The following WDPCP variants were observed in gnomAD, a reference collection of about 807,000 sequenced individuals.
WDPCP encodes the protein WD repeat containing planar cell polarity effector.
Under a neutral mutation model 93.1 loss-of-function variants are expected in WDPCP, and 71 were observed. That is an observed-to-expected ratio of 0.76 (90% confidence interval 0.63 to 0.93). The LOEUF (loss-of-function observed/expected upper bound fraction) is 0.93. Ranked by LOEUF, WDPCP falls within the 40% of genes least tolerant of loss-of-function variation. The pLI is 0.00. For missense variants in WDPCP, 844 were observed against 887.4 expected (o/e 0.95, Z 0.62); for synonymous variants, 315 against 315.0 (o/e 1.00, Z 0.00).
intron 14 of WDPCP, among the ~76,000 whole-genome samples, chr2:63,199,305 T>C (rs1675703435): frequency 6.6e-6 from 1 of 152,104 alleles, no homozygotes; most frequent in African/African-American, 2.4e-5. Context: ...AGGAGCTGAA[T>C]GTTAGTAAAG....
intron 3 of WDPCP, among the ~76,000 whole-genome samples, chr2:63,602,595 A>C (rs1287393727): frequency 1.3e-5 from 2 of 152,050 alleles, no homozygotes; most frequent in Non-Finnish European, 2.9e-5. Flanking sequence ...TATGACATTT[A>C]ATTACAAGTG....
chr2:63,361,580 T>G (rs1485021440), intron 12 of WDPCP, among the ~76,000 whole-genome samples: 1 of 152,202 alleles, frequency 6.6e-6, no homozygotes, highest in African/African-American at 2.4e-5. Context: ...TAAAGCCAGT[T>G]AAGTCTAGTG....
At chr2:63,516,246 TAA>T (rs1702544211) in intron 1 of WDPCP, among the ~76,000 whole-genome samples, 1 of 152,160 alleles carries the variant, frequency 6.6e-6, no homozygotes, top group Non-Finnish European at 1.5e-5. Context: ...CATAAATGTG[TAA>T]TAATCAAGTC....
rs756320537 is a variant in WDPCP, at chr2:63,433,725, C to T, written c.825+20G>A. ...TTTATTTACACTTTATTAAAATGTACATATTTGTTTTAGATTTACCTCTAG... is the reference window on the plus strand; with the variant it reads ...TTTATTTACACTTTATTAAAATGTATATATTTGTTTTAGATTTACCTCTAG... On this transcript the variant is annotated intron_variant, in intron 9 of 17. Transcript: ENST00000272321. 3.2e-6 allele frequency: 5 copies of T among 1,585,420 alleles called. No individual in the cohort carries two copies. Among genetic ancestry groups the T allele is most frequent in the African/African-American group, 1.3e-5 (1 of 74,234 alleles).
chr2:63,598,964 C>G (rs1486095592), intron 3 of WDPCP, among the ~76,000 whole-genome samples: 1 of 149,082 alleles, frequency 6.7e-6, no homozygotes, highest in Non-Finnish European at 1.5e-5. Flanking sequence ...TTCTATAAAT[C>G]TGATATTATT....
intron 15 of WDPCP, among the ~76,000 whole-genome samples, chr2:63,163,564 C>T (rs1409183810): frequency 6.6e-6 from 1 of 152,108 alleles, no homozygotes; most frequent in East Asian, 1.9e-4. Context: ...GAAATGGACT[C>T]CTAGACATAT....
At chr2:63,157,709 GTCGGTAAAGTTTAAGA>G (rs1243713252) in intron 15 of WDPCP, among the ~76,000 whole-genome samples, 3 of 151,944 alleles carry the variant, frequency 2.0e-5, no homozygotes, top group Non-Finnish European at 4.4e-5. Context: ...TCTACTTAAT[GTCGGTAAAGTTTAAGA>G]TAATGTACCC....
intron 14 of WDPCP, among the ~76,000 whole-genome samples, chr2:63,188,653 G>A (rs1674815592): frequency 6.6e-6 from 1 of 151,778 alleles, no homozygotes; most frequent in South Asian, 2.1e-4. Flanking sequence ...TTTGAAAATA[G>A]TTTCTCTTTG....
At chr2:63,437,884 T>G in intron 7 of WDPCP, 1 of 1,595,704 alleles carries the variant, frequency 6.3e-7, no homozygotes, top group East Asian at 2.3e-5. Context: ...ACGAAAACAT[T>G]CCATTTTATT....
rs1471063629 is a variant in WDPCP, at chr2:63,656,248, C to A, written n.309-5410G>T. 2.6e-5 allele frequency among the ~76,000 whole-genome samples: 4 copies of A among 152,228 alleles called. No individual in the cohort carries two copies. The South Asian group carries it at 6.2e-4, about 24-fold the overall frequency. On this transcript the variant is annotated intron_variant and non_coding_transcript_variant, in intron 2 of 4. Coordinates refer to the WDPCP transcript ENST00000467687. The stretch of plus-strand genomic sequence containing the variant: ...AGATCTTGCTGCAACAACCTGTCTA[C>A]TTCCCCAATTCCAGTGAAGAGTGAG...
rs148828132 is a variant in WDPCP, at chr2:63,541,255, G to T, written c.75+46942C>A. On this transcript the variant is annotated intron_variant, in intron 1 of 17. Transcript: ENST00000272321. Reference sequence around the variant, plus strand: ...CCCAAAGTGCTGCGATTACAGACATGAGACACCATGCCCAGCCTAATAAGC... The same window carrying T: ...CCCAAAGTGCTGCGATTACAGACATTAGACACCATGCCCAGCCTAATAAGC... Among the ~76,000 whole-genome samples, 229 of 152,250 alleles carry T rather than the reference G, an allele frequency of 1.5e-3. No homozygotes were observed. In the Middle Eastern group the frequency reaches 0.017, roughly 11 times the overall value.
chr2:63,713,878 T>C (rs1056367011), intron 2 of WDPCP, among the ~76,000 whole-genome samples: 1 of 152,200 alleles, frequency 6.6e-6, no homozygotes, highest in Non-Finnish European at 1.5e-5. Flanking sequence ...AGAAACAACA[T>C]GGCAAAAACT....
At chr2:63,622,666 G>A (rs577422447) in intron 3 of WDPCP, 426 of 1,613,922 alleles carry the variant, frequency 2.6e-4, no homozygotes, top group Non-Finnish European at 3.5e-4. Flanking sequence ...GTCTTGGTCA[G>A]GAGTCGCCGG....
At chr2:63,677,715 T>C (rs928392873) in intron 2 of WDPCP, among the ~76,000 whole-genome samples, 1 of 152,104 alleles carries the variant, frequency 6.6e-6, no homozygotes, top group Non-Finnish European at 1.5e-5. Flanking sequence ...GATGAAGATA[T>C]CCCTCAAAAA....
rs140334043 is a variant in WDPCP at position 63,511,789 on chromosome 2, A to C, written c.76-18849T>G. On this transcript the variant is annotated intron_variant, in intron 1 of 17. Transcript: ENST00000272321. ...TTTAAACGTAAGACCTAAAACTATG[A>C]AAACCCTAGAAGAAAACATAGGCAA... 1.8e-3 allele frequency among the ~76,000 whole-genome samples: 279 copies of C among 152,370 alleles called. 2 individuals carry two copies. Among genetic ancestry groups the C allele is most frequent in the African/African-American group, 5.9e-3 (246 of 41,590 alleles).
intron 1 of WDPCP, among the ~76,000 whole-genome samples, chr2:63,817,514 G>C (rs1421610079): frequency 6.6e-6 from 1 of 152,102 alleles, no homozygotes; most frequent in African/African-American, 2.4e-5. Context: ...CATTAAGGTA[G>C]GGGTTGACAA....
At chr2:63,392,364 A>G (rs1369137919) in intron 10 of WDPCP, among the ~76,000 whole-genome samples, 2 of 152,230 alleles carry the variant, frequency 1.3e-5, no homozygotes, top group Non-Finnish European at 2.9e-5. Context: ...TCCCTTCCTT[A>G]CACCTTATAC....
intron 12 of WDPCP, among the ~76,000 whole-genome samples, chr2:63,324,968 T>G (rs1163470829): frequency 6.6e-6 from 1 of 152,210 alleles, no homozygotes; most frequent in East Asian, 1.9e-4. Context: ...CCTGAATCAC[T>G]TGAGGGTCAA....
intron 6 of WDPCP, among the ~76,000 whole-genome samples, chr2:63,447,946 T>C (rs960323976): frequency 3.3e-5 from 5 of 152,286 alleles, no homozygotes; most frequent in Admixed American, 2.6e-4. Flanking sequence ...TAGTTTTTAC[T>C]ATATATCTAT....
Sources: gnomAD v4.1 joint callset for allele counts (sites outside exome capture counted in the v4.1 genomes callset) on GRCh38, gnomAD v4.1.1 for gene constraint, MANE v1.5 for transcripts, NCBI Gene and HGNC (gene_info 2026-07-23, HGNC 2026-07-21) for gene names.